Variants in DRC10 observed in about 807,000 individuals in gnomAD.
DRC10 encodes the protein dynein regulatory complex subunit 10.
the DRC10 span, among the ~76,000 whole-genome samples, chr12:113,204,502 C>T: frequency 1.3e-5 from 2 of 152,266 alleles, no homozygotes; most frequent in Non-Finnish European, 2.9e-5. Context: ...TTTGTTGGAA[C>T]ACAGCCCATT....
chr12:113,199,413 T>G, the DRC10 span, among the ~76,000 whole-genome samples: 24 of 151,904 alleles, frequency 1.6e-4, no homozygotes, highest in East Asian at 4.3e-3. Flanking sequence ...AATAAATAAA[T>G]AAATAAATAA....
chr12:113,209,625 A>G, the DRC10 span, among the ~76,000 whole-genome samples: 7 of 152,164 alleles, frequency 4.6e-5, no homozygotes, highest in Non-Finnish European at 1.0e-4. Flanking sequence ...GGCTCAAGCA[A>G]TCCTCCCACC....
the DRC10 span, among the ~76,000 whole-genome samples, chr12:113,199,676 G>A: frequency 6.6e-6 from 1 of 152,062 alleles, no homozygotes; most frequent in African/African-American, 2.4e-5. Context: ...TGCTAGGCCT[G>A]GGTCTTGGCT....
chr12:113,217,687 A>G, the DRC10 span, among the ~76,000 whole-genome samples: 1 of 152,136 alleles, frequency 6.6e-6, no homozygotes, highest in African/African-American at 2.4e-5. Context: ...GCGTGTTACC[A>G]CGCTTGGCTA....
the DRC10 span, among the ~76,000 whole-genome samples, chr12:113,197,005 A>G: frequency 6.6e-6 from 1 of 152,210 alleles, no homozygotes; most frequent in East Asian, 1.9e-4. Flanking sequence ...CAGGTGCTCA[A>G]TAAAAACTGG....
the DRC10 span, chr12:113,195,997 C>A: frequency 2.1e-6 from 3 of 1,442,066 alleles, no homozygotes; most frequent in Non-Finnish European, 2.7e-6. Context: ...CCAGCGATGC[C>A]CCTAAGCTAA....
At chr12:113,207,284 G>T in the DRC10 span, 3 of 731,276 alleles carry the variant, frequency 4.1e-6, no homozygotes, top group Non-Finnish European at 4.9e-6. Flanking sequence ...GGAGGCAGAG[G>T]TTGCAGTGAG....
At chr12:113,202,820 G>A in the DRC10 span, among the ~76,000 whole-genome samples, 4 of 152,194 alleles carry the variant, frequency 2.6e-5, no homozygotes, top group Admixed American at 6.6e-5. Context: ...TGCCACACCA[G>A]CTCCGGTGTT....
At chr12:113,217,824 C>T in the DRC10 span, among the ~76,000 whole-genome samples, 7 of 152,106 alleles carry the variant, frequency 4.6e-5, no homozygotes, top group Non-Finnish European at 1.0e-4. Flanking sequence ...GAGCCACTGC[C>T]CCTGGCCTCC....
At chr12:113,200,605 C>A in the DRC10 span, 1 of 1,535,994 alleles carries the variant, frequency 6.5e-7, no homozygotes, top group Non-Finnish European at 8.7e-7. Flanking sequence ...CTCTGCCTCC[C>A]GGTTCTCCAT....
At chr12:113,206,857 C>T in the DRC10 span, among the ~76,000 whole-genome samples, 1 of 151,936 alleles carries the variant, frequency 6.6e-6, no homozygotes, top group African/African-American at 2.4e-5. Context: ...CCCAGAAGTT[C>T]GAGACCAACC....
chr12:113,221,064 C>A, the DRC10 span: 1 of 423,510 alleles, frequency 2.4e-6, no homozygotes, highest in Non-Finnish European at 4.8e-6. Flanking sequence ...CTAGGTTACC[C>A]GCCAATCTCA....
chr12:113,218,137 CTTT>C, the DRC10 span, among the ~76,000 whole-genome samples: 19 of 139,748 alleles, frequency 1.4e-4, no homozygotes, highest in African/African-American at 3.9e-4. Flanking sequence ...AAACCCTGAC[CTTT>C]TTTTTTTTTT....
the DRC10 span, among the ~76,000 whole-genome samples, chr12:113,209,066 G>A: frequency 6.9e-3 from 1,044 of 152,166 alleles, 46 homozygotes; most frequent in East Asian, 0.14. Context: ...TGAGCAGCTG[G>A]GACTACAGGT....
At chr12:113,195,590 G>A in the DRC10 span, 1 of 1,598,490 alleles carries the variant, frequency 6.3e-7, no homozygotes, top group Admixed American at 1.7e-5. Context: ...TCTTGCCCTT[G>A]CCCTTCTCCT....
chr12:113,216,703 A>G, the DRC10 span, among the ~76,000 whole-genome samples: 9 of 152,332 alleles, frequency 5.9e-5, no homozygotes, highest in Non-Finnish European at 1.3e-4. Context: ...TGCTTAAAAA[A>G]TAAAATCTTA....
chr12:113,202,786 C>T, the DRC10 span, among the ~76,000 whole-genome samples: 4 of 152,172 alleles, frequency 2.6e-5, no homozygotes, highest in African/African-American at 4.8e-5. Context: ...GAAACCAGAC[C>T]TCTGACAAGT....
chr12:113,213,958 CA>C, the DRC10 span, among the ~76,000 whole-genome samples: 19 of 151,456 alleles, frequency 1.3e-4, no homozygotes, highest in African/African-American at 4.4e-4. Flanking sequence ...AAAACAAAAA[CA>C]AAAAACAAAA....
the DRC10 span, among the ~76,000 whole-genome samples, chr12:113,204,433 TTGG>T: frequency 6.6e-6 from 1 of 152,262 alleles, no homozygotes; most frequent in South Asian, 2.1e-4. Context: ...GGAACAGGGG[TTGG>T]CAAACTATGG....
Sources: allele counts gnomAD v4.1 joint callset (sites outside exome capture counted in the v4.1 genomes callset), GRCh38; gene constraint gnomAD v4.1.1; transcripts MANE v1.5; gene names NCBI Gene and HGNC (gene_info 2026-07-23, HGNC 2026-07-21).